PCDH15: variants seen among roughly 807,000 people sequenced by gnomAD.
PCDH15 encodes protocadherin related 15.
Under a neutral mutation model 178.5 loss-of-function variants are expected in PCDH15, and 129 were observed. The observed-to-expected ratio is 0.72, with a 90% CI of 0.63 to 0.84. PCDH15 has a LOEUF of 0.84. Ranked by LOEUF, PCDH15 falls within the 40% of genes least tolerant of loss-of-function variation. The pLI is 0.00. For synonymous variants in PCDH15, 800 were observed against 732.0 expected (o/e 1.09, Z -1.50); for missense variants, 2,230 against 2,099.9 (o/e 1.06, Z -1.21).
intron 14 of PCDH15, among the ~76,000 whole-genome samples, chr10:54,135,587 A>G (rs916191860): frequency 6.6e-6 from 1 of 152,142 alleles, no homozygotes; most frequent in Non-Finnish European, 1.5e-5. Flanking sequence ...GATGTAAAAC[A>G]TTTTCCCTGA....
intron 2 of PCDH15, among the ~76,000 whole-genome samples, chr10:55,161,999 T>G (rs531356017): frequency 6.6e-6 from 1 of 152,262 alleles, no homozygotes; most frequent in South Asian, 2.1e-4. Context: ...AGATAAAAAG[T>G]TACAGCATAC....
chr10:54,053,001 G>C (rs1290607950), intron 18 of PCDH15, among the ~76,000 whole-genome samples: 1 of 152,098 alleles, frequency 6.6e-6, no homozygotes, highest in Non-Finnish European at 1.5e-5. Context: ...ATAATTGCAA[G>C]ATTCTTGAGG....
intron 3 of PCDH15, among the ~76,000 whole-genome samples, chr10:54,382,227 A>G (rs1949326314): frequency 6.6e-6 from 1 of 152,078 alleles, no homozygotes; most frequent in South Asian, 2.1e-4. Flanking sequence ...AAAATGGAAA[A>G]CTTCCTCTTT....
chr10:53,963,192 G>A (rs2134319412), intron 21 of PCDH15, among the ~76,000 whole-genome samples: 1 of 152,194 alleles, frequency 6.6e-6, no homozygotes, highest in Non-Finnish European at 1.5e-5. Context: ...TGTTGCTCAT[G>A]TTGGTTCCTG....
rs1202158360 is a variant in PCDH15, at chr10:53,823,877, A to G, written c.4367+3516T>C. ...TGTTCTCCAAATTAAGAGAATTAAA[A>G]TCACCAAGGACAGATGGGAGTTTGT... On this transcript the variant is annotated intron_variant, in intron 32 of 37. Coordinates refer to ENST00000644397, the MANE Select transcript of PCDH15 (RefSeq NM_001384140.1). 25 of 441,664 alleles carry G rather than the reference A, an allele frequency of 5.7e-5. No homozygotes were observed. In the East Asian group the frequency reaches 6.4e-4, roughly 11 times the overall value. The allele number at this position is 441,664 out of a possible 1,614,324, so 27.4% of individuals were successfully genotyped here.
At chr10:55,407,205 T>A (rs1376421576) in intron 2 of PCDH15, among the ~76,000 whole-genome samples, 1 of 152,134 alleles carries the variant, frequency 6.6e-6, no homozygotes, top group African/African-American at 2.4e-5. Flanking sequence ...CCAAGATTGG[T>A]CGAGGGAATA....
intron 2 of PCDH15, among the ~76,000 whole-genome samples, chr10:54,584,489 T>C (rs2091306132): frequency 6.6e-6 from 1 of 152,066 alleles, no homozygotes; most frequent in African/African-American, 2.4e-5. Context: ...ATGGAACAAG[T>C]TTTTAAAATT....
intron 3 of PCDH15, among the ~76,000 whole-genome samples, chr10:54,485,222 A>G (rs1342012321): frequency 3.3e-5 from 5 of 151,886 alleles, no homozygotes; most frequent in African/African-American, 1.2e-4. Context: ...GAGCAATAAA[A>G]AAAAATCTCC....
intron 2 of PCDH15, among the ~76,000 whole-genome samples, chr10:55,122,460 G>C (rs1264890883): frequency 6.6e-6 from 1 of 152,062 alleles, no homozygotes; most frequent in Non-Finnish European, 1.5e-5. Context: ...AGTTATCTGT[G>C]TGGTCAAAGA....
intron 2 of PCDH15, among the ~76,000 whole-genome samples, chr10:55,038,260 T>C (rs2131973967): frequency 6.6e-6 from 1 of 152,320 alleles, no homozygotes. Context: ...GATTAATAAT[T>C]TCAAAATAAG....
Position 54,679,935 on chromosome 10 carries a change from A to G in PCDH15, c.-28-15645T>C, listed in dbSNP as rs570905856. 1.1e-4 allele frequency among the ~76,000 whole-genome samples: 17 copies of G among 152,310 alleles called. No homozygotes were observed. In the East Asian group the frequency reaches 3.3e-3, roughly 29 times the overall value. Reference sequence around the variant, plus strand: ...GAGAGTGTCACATATTTGATAAAGAATGTTTGTCTAAGATTTCTATGCATA... The same window carrying G: ...GAGAGTGTCACATATTTGATAAAGAGTGTTTGTCTAAGATTTCTATGCATA... On this transcript the variant is annotated intron_variant, in intron 1 of 37. Coordinates refer to ENST00000644397, the MANE Select transcript of PCDH15 (RefSeq NM_001384140.1).
intron 8 of PCDH15, among the ~76,000 whole-genome samples, chr10:54,291,534 C>G (rs186874712): frequency 7.9e-5 from 12 of 152,150 alleles, no homozygotes; most frequent in Non-Finnish European, 8.8e-5. Flanking sequence ...AATCCAGGAG[C>G]TGGTTTTTTG....
chr10:55,153,450 C>T (rs1290951656), intron 2 of PCDH15, among the ~76,000 whole-genome samples: 3 of 152,102 alleles, frequency 2.0e-5, no homozygotes, highest in Non-Finnish European at 4.4e-5. Context: ...AAGCAGAATG[C>T]AATTTTTCAC....
intron 2 of PCDH15, among the ~76,000 whole-genome samples, chr10:55,453,748 C>A (rs1236111822): frequency 6.6e-6 from 1 of 152,092 alleles, no homozygotes; most frequent in Non-Finnish European, 1.5e-5. Context: ...CAATTCCAAG[C>A]CAACCTTCAT....
At chr10:55,373,345 T>C (rs1396778950) in intron 2 of PCDH15, among the ~76,000 whole-genome samples, 1 of 152,180 alleles carries the variant, frequency 6.6e-6, no homozygotes, top group East Asian at 1.9e-4. Flanking sequence ...GAACAAAGTC[T>C]TTCCATGGGG....
chr10:54,559,991 A>C (rs2133345957), intron 2 of PCDH15, among the ~76,000 whole-genome samples: 1 of 152,114 alleles, frequency 6.6e-6, no homozygotes, highest in African/African-American at 2.4e-5. Flanking sequence ...AATGTGTCAT[A>C]ATGTCTATTG....
intron 2 of PCDH15, among the ~76,000 whole-genome samples, chr10:54,551,090 G>A (rs1160935554): frequency 1.4e-5 from 2 of 141,450 alleles, no homozygotes; most frequent in African/African-American, 2.6e-5. Context: ...GGGAGGCAGA[G>A]GTTGCAGTGA....
intron 1 of PCDH15, among the ~76,000 whole-genome samples, chr10:55,192,741 C>CTATA (rs59956617): frequency 2.0e-5 from 3 of 147,454 alleles, no homozygotes; most frequent in African/African-American, 5.0e-5. Flanking sequence ...CTCTCTCTCT[C>CTATA]TATATATATA....
At chr10:54,077,022 T>C (rs2094353246) in intron 17 of PCDH15, among the ~76,000 whole-genome samples, 1 of 152,162 alleles carries the variant, frequency 6.6e-6, no homozygotes, top group South Asian at 2.1e-4. Flanking sequence ...GAGAATATTA[T>C]TGTTATATAA....
Sources: allele counts gnomAD v4.1 joint callset (sites outside exome capture counted in the v4.1 genomes callset), GRCh38; gene constraint gnomAD v4.1.1; transcripts MANE v1.5; gene names NCBI Gene and HGNC (gene_info 2026-07-23, HGNC 2026-07-21).